Variants in TTLL4 observed in about 807,000 individuals in gnomAD.
TTLL4 encodes the protein tubulin tyrosine ligase like 4.
A neutral mutation model predicts 122.7 loss-of-function variants in TTLL4; 85 were observed. The ratio of observed to expected loss-of-function variants is 0.69; its 90% CI spans 0.58 to 0.83. TTLL4 has a LOEUF of 0.83. Ranked by LOEUF, TTLL4 falls within the 40% of genes least tolerant of loss-of-function variation. The pLI is 0.00. For synonymous variants in TTLL4, 553 were observed against 563.0 expected, an observed-to-expected ratio of 0.98 and a Z score of 0.25; for missense variants, 1,363 against 1,488.6, an observed-to-expected ratio of 0.92 and a Z score of 1.39.
In TTLL4 at chr2:218,726,498, C is replaced by T. The variant is rs150607309; in HGVS notation, c.-177-771C>T. On this transcript the variant is annotated intron_variant, in intron 1 of 19. Transcript: ENST00000392102. ...TTTTTTTCCGAGACAGAGTCTCAGT[C>T]TGTCAGGCCCAGGCTGGAGTGCAGT... Among the ~76,000 whole-genome samples the T allele has an allele frequency of 4.4e-3, 668 of 152,330 alleles. 5 individuals carry two copies. Among genetic ancestry groups the T allele is most frequent in the African/African-American group, 0.015 (629 of 41,566 alleles).
Position 218,746,160 on chromosome 2 carries a change from G to C in TTLL4, c.1903G>C (p.Asp635His), listed in dbSNP as rs1490746404. The change falls in exon 8 of 20, where the codon GAT becomes CAT. Residue 635 changes from aspartate to histidine, a missense_variant. Physicochemically the swap from Asp to His is moderately conservative, Grantham distance 81. Around this residue, in one of 3 missense-constraint regions of TTLL4, gnomAD observed 760 missense variants for 808.4 expected, o/e 0.94. Transcript: ENST00000392102. ...RSHFKISKRN[D>H]DWLGCWGHHM... ...TCCTGATGTACCTCCCATAGGAAAC[G>C]ATGACTGGCTGGGCTGCTGGGGTCA... 5 of 1,614,014 alleles carry C rather than the reference G, an allele frequency of 3.1e-6. No individual in the cohort carries two copies. The highest frequency in any genetic ancestry group is 3.4e-6 in the Non-Finnish European group (4 of 1,180,026).
rs1229153730 is a variant in TTLL4 at position 218,752,878 on chromosome 2, T to C, written c.3092T>C (p.Ile1031Thr). 6.2e-7 allele frequency: 1 copy of C among 1,614,082 alleles called. No homozygotes were observed. Among genetic ancestry groups the C allele is most frequent in the African/African-American group, 1.3e-5 (1 of 74,922 alleles). ...GQFERIFPSH[I>T]SSRYLRFFEQ... ...TTTGAACGAATTTTTCCTTCTCATA[T>C]CTCCTCTCGCTATCTCCGCTTTTTT... Residue 1031 changes from isoleucine (I) to threonine (T), a missense_variant, in exon 17 of 20, where the codon ATC becomes ACC. Transcript: ENST00000392102.
chr2:218,714,253 A>G (rs1941794525), intron 1 of TTLL4, among the ~76,000 whole-genome samples: 1 of 152,210 alleles, frequency 6.6e-6, no homozygotes. Context: ...GGGGACAGAG[A>G]GAATACATAA....
intron 2 of TTLL4, among the ~76,000 whole-genome samples, chr2:218,730,763 T>C (rs1306626438): frequency 5.9e-5 from 9 of 152,006 alleles, no homozygotes; most frequent in Admixed American, 5.9e-4. Flanking sequence ...CAAGGAGCTC[T>C]GGCTGCTTTT....
At chr2:218,729,252 T>C (rs568139020) in intron 2 of TTLL4, among the ~76,000 whole-genome samples, 2 of 152,220 alleles carry the variant, frequency 1.3e-5, no homozygotes, top group South Asian at 2.1e-4. Flanking sequence ...TATCTTGATA[T>C]CACTTTTTCC....
At chr2:218,722,657 G>C (rs1302655618) in intron 1 of TTLL4, among the ~76,000 whole-genome samples, 2 of 152,180 alleles carry the variant, frequency 1.3e-5, no homozygotes, top group African/African-American at 4.8e-5. Context: ...AGATCACATA[G>C]TCCTGGAAGC....
intron 8 of TTLL4, 131 bp from the exon 9 acceptor site, chr2:218,746,872 G>T (rs748101903): frequency 3.5e-5 from 32 of 926,460 alleles, no homozygotes; most frequent in Non-Finnish European, 4.8e-5. Context: ...GACCATTAGG[G>T]TGGTGATAGT....
At chr2:218,748,447 G>C in intron 12 of TTLL4, 1 of 634,282 alleles carries the variant, frequency 1.6e-6, no homozygotes, top group Non-Finnish European at 2.5e-6. Flanking sequence ...CTGAGTTCAG[G>C]AGTACAGGAC....
At chr2:218,718,853 G>T (rs1194481936) in intron 1 of TTLL4, among the ~76,000 whole-genome samples, 1 of 152,142 alleles carries the variant, frequency 6.6e-6, no homozygotes, top group East Asian at 1.9e-4. Context: ...TTTTAAAGGG[G>T]AGAGTCTGGA....
rs777738648 is a variant in TTLL4 at position 218,747,026 on chromosome 2, C to T, written c.1998C>T (p.Phe666=). The T allele has an allele frequency of 1.2e-6, 2 of 1,614,162 alleles. No individual in the cohort carries two copies. The highest frequency in any genetic ancestry group is 1.7e-6 in the Non-Finnish European group (2 of 1,179,998). ...HQKLNHFPGS[F]QIGRKDRLWR... ...AGCTAAACCATTTCCCAGGCTCATT[C>T]CAGATTGGGAGGAAGGACCGGCTAT... The change falls in exon 9 of 20, where the codon TTC becomes TTT. Residue 666 remains phenylalanine (F), a synonymous_variant. Coordinates refer to ENST00000392102, the MANE Select transcript of TTLL4 (RefSeq NM_014640.5). This position sits in a 1 kb window ranked among gnomAD's most constrained non-coding sequence, Gnocchi z 4.7.
chr2:218,754,082 G>A (rs1943096941), intron 19 of TTLL4, 52 bp from the exon 20 acceptor site: 1 of 1,607,746 alleles, frequency 6.2e-7, no homozygotes, highest in African/African-American at 1.3e-5. Flanking sequence ...CTAAGGTAAA[G>A]TCTCAGTTAA....
chr2:218,714,740 GATAT>G (rs141755991), intron 1 of TTLL4, among the ~76,000 whole-genome samples: 1 of 149,226 alleles, frequency 6.7e-6, no homozygotes, highest in Admixed American at 6.7e-5. Context: ...AAAAAAAAGG[GATAT>G]ATATATATAT....
At chr2:218,741,377 A>G (rs1942696966) in intron 5 of TTLL4, among the ~76,000 whole-genome samples, 2 of 152,310 alleles carry the variant, frequency 1.3e-5, no homozygotes, top group South Asian at 4.2e-4. Flanking sequence ...TATATGGAGC[A>G]CCCAGAGTCG....
intron 3 of TTLL4, 108 bp from the exon 4 acceptor site, chr2:218,739,950 T>C (rs1314484568): frequency 1.0e-6 from 1 of 975,518 alleles, no homozygotes; most frequent in Non-Finnish European, 1.6e-6. Flanking sequence ...AAGTAGCAGA[T>C]TGGTAATGGA....
intron 2 of TTLL4, among the ~76,000 whole-genome samples, chr2:218,734,896 G>T (rs759738262): frequency 6.6e-6 from 1 of 152,148 alleles, no homozygotes; most frequent in African/African-American, 2.4e-5. Flanking sequence ...ACAAACACAC[G>T]CTGTAATTGT....
chr2:218,757,805 T>C (rs1277175951), downstream of TTLL4, among the ~76,000 whole-genome samples: 1 of 152,152 alleles, frequency 6.6e-6, no homozygotes, highest in Non-Finnish European at 1.5e-5. Flanking sequence ...TCAGCTGAAT[T>C]AGTTACCCAA....
rs1323224604 is a variant in TTLL4, at chr2:218,738,115, T to C, written c.439T>C (p.Ser147Pro). 9.9e-6 allele frequency: 16 copies of C among 1,613,816 alleles called. No individual in the cohort carries two copies. The highest frequency in any genetic ancestry group is 1.1e-5 in the Non-Finnish European group (13 of 1,180,012). ...RSSPSEKSPF[S>P]LPQKSLPVSL... ...GAGCCCGTCAGAAAAAAGCCCTTTT[T>C]CTCTCCCTCAAAAGAGCCTCCCTGT... The change falls in exon 3 of 20, where the codon TCT (serine) becomes CCT (proline). Residue 147 changes from serine to proline, a missense_variant. Ser to Pro is a moderately conservative substitution (Grantham distance 74, BLOSUM62 -1). This residue lies in a region of TTLL4 where 760 missense variants were observed against 808.4 expected (regional missense o/e 0.94). Transcript: ENST00000392102.
intron 2 of TTLL4, among the ~76,000 whole-genome samples, chr2:218,729,383 C>T (rs535152589): frequency 7.9e-5 from 12 of 152,002 alleles, no homozygotes; most frequent in South Asian, 6.2e-4. Flanking sequence ...AATTTTTTCC[C>T]TTCTCTGTGG....
intron 5 of TTLL4, 106 bp from the exon 6 acceptor site, chr2:218,745,003 A>G (rs951875266): frequency 1.4e-6 from 2 of 1,470,922 alleles, no homozygotes; most frequent in Admixed American, 4.4e-5. Flanking sequence ...TTTTAGAATC[A>G]CAAGTTAAAA....
Sources: allele counts gnomAD v4.1 joint callset (sites outside exome capture counted in the v4.1 genomes callset), GRCh38; gene constraint gnomAD v4.1.1; regional missense constraint gnomAD v4.1.1; non-coding constraint Gnocchi (gnomAD v3.1); transcripts MANE v1.5; gene names NCBI Gene and HGNC (gene_info 2026-07-23, HGNC 2026-07-21).